COXFA4: variants seen among roughly 807,000 people sequenced by gnomAD.
COXFA4 encodes the protein cytochrome c oxidase subunit FA4.
the COXFA4 span, chr7:10,939,803 C>T: frequency 3.0e-6 from 2 of 665,294 alleles, no homozygotes; most frequent in Admixed American, 2.4e-5. Context: ...CAGTGTCCGT[C>T]TCCTTCCTCC....
At chr7:10,932,317 G>C in the COXFA4 span, 1 of 152,206 alleles carries the variant, frequency 6.6e-6, no homozygotes, top group African/African-American at 2.4e-5. Context: ...CTGACACATA[G>C]GAGGTAAAAG....
chr7:10,938,836 G>T, the COXFA4 span: 13 of 1,613,322 alleles, frequency 8.1e-6, no homozygotes, highest in Non-Finnish European at 1.1e-5. Flanking sequence ...AATGCCAGAC[G>T]CAAGAGATAC....
the COXFA4 span, chr7:10,939,621 G>GA: frequency 5.2e-6 from 1 of 192,168 alleles, no homozygotes; most frequent in Non-Finnish European, 1.1e-5. Flanking sequence ...GCAATGCGGC[G>GA]AATACAAGAA....
At chr7:10,938,544 T>C in the COXFA4 span, 2 of 440,116 alleles carry the variant, frequency 4.5e-6, no homozygotes, top group African/African-American at 3.9e-5. Flanking sequence ...TAAAAACAAT[T>C]ATTTTTATGT....
the COXFA4 span, among the ~76,000 whole-genome samples, chr7:10,934,254 C>A: frequency 6.6e-6 from 1 of 151,888 alleles, no homozygotes; most frequent in Admixed American, 6.6e-5. Context: ...CAATATCAAA[C>A]TGACACTTCA....
the COXFA4 span, chr7:10,939,892 G>A: frequency 1.1e-5 from 12 of 1,068,192 alleles, no homozygotes; most frequent in Non-Finnish European, 1.6e-5. Context: ...CACTAGGCGA[G>A]GCAGGGTCTG....
At chr7:10,932,119 G>A in the COXFA4 span, 1 of 152,202 alleles carries the variant, frequency 6.6e-6, no homozygotes, top group African/African-American at 2.4e-5. Flanking sequence ...ATTTGGTAAT[G>A]TCTCCATTCT....
the COXFA4 span, chr7:10,939,640 G>C: frequency 1.3e-5 from 3 of 226,408 alleles, no homozygotes; most frequent in Non-Finnish European, 2.7e-5. Flanking sequence ...AACCTCCAGA[G>C]ATGGTATAAC....
the COXFA4 span, chr7:10,933,800 G>A: frequency 2.6e-6 from 2 of 755,536 alleles, no homozygotes; most frequent in Non-Finnish European, 4.4e-6. Flanking sequence ...TTACAGATAT[G>A]AATTTTTAAA....
the COXFA4 span, chr7:10,932,855 C>A: frequency 6.6e-6 from 1 of 151,748 alleles, no homozygotes; most frequent in South Asian, 2.1e-4. Flanking sequence ...CCTGTAGTCC[C>A]GGCTACTTAG....
chr7:10,938,136 T>C, the COXFA4 span: 3 of 1,612,966 alleles, frequency 1.9e-6, no homozygotes, highest in Non-Finnish European at 2.5e-6. Context: ...CTCTGGGTTA[T>C]TTCTGTCCCA....
At chr7:10,938,129 T>G in the COXFA4 span, 2 of 1,613,240 alleles carry the variant, frequency 1.2e-6, no homozygotes, top group East Asian at 4.5e-5. Context: ...TCCAGGGCTC[T>G]GGGTTATTTC....
chr7:10,934,349 T>G, the COXFA4 span, among the ~76,000 whole-genome samples: 1 of 145,330 alleles, frequency 6.9e-6, no homozygotes, highest in East Asian at 2.0e-4. Context: ...TATTAATTTT[T>G]AGAAATAAAT....
chr7:10,938,710 A>G, the COXFA4 span: 1 of 861,542 alleles, frequency 1.2e-6, no homozygotes, highest in Non-Finnish European at 2.0e-6. Flanking sequence ...TAAATGTAAC[A>G]TTCTTTCTAC....
chr7:10,932,123 C>G, the COXFA4 span: 19 of 152,268 alleles, frequency 1.2e-4, no homozygotes, highest in Non-Finnish European at 1.9e-4. Context: ...GGTAATGTCT[C>G]CATTCTTCTC....
At chr7:10,932,042 T>G in the COXFA4 span, 1 of 152,242 alleles carries the variant, frequency 6.6e-6, no homozygotes, top group African/African-American at 2.4e-5. Context: ...TGAGGTAATT[T>G]GTGCCAAAGG....
chr7:10,934,479 CA>C, the COXFA4 span, among the ~76,000 whole-genome samples: 18 of 151,126 alleles, frequency 1.2e-4, no homozygotes, highest in African/African-American at 4.1e-4. Context: ...TGCTTGTACA[CA>C]AGCCCAAATA....
chr7:10,938,250 A>G, the COXFA4 span: 1 of 1,008,518 alleles, frequency 9.9e-7, no homozygotes, highest in Non-Finnish European at 1.5e-6. Flanking sequence ...TTTCTATTAG[A>G]TGAGGTATGG....
chr7:10,934,287 A>G, the COXFA4 span, among the ~76,000 whole-genome samples: 122 of 152,082 alleles, frequency 8.0e-4, no homozygotes, highest in Non-Finnish European at 1.6e-3. Flanking sequence ...GCTTTTAAAT[A>G]ATACGGTATT....
Sources: allele counts gnomAD v4.1 joint callset (sites outside exome capture counted in the v4.1 genomes callset), GRCh38; gene constraint gnomAD v4.1.1; transcripts MANE v1.5; gene names NCBI Gene and HGNC (gene_info 2026-07-23, HGNC 2026-07-21).